GRP: variants seen among roughly 807,000 people sequenced by gnomAD.
GRP encodes the protein gastrin releasing peptide.
Under a neutral mutation model 12.7 loss-of-function variants are expected in GRP, and 11 were observed. The observed-to-expected ratio is 0.87, with a 90% CI of 0.55 to 1.44. The LOEUF is 1.44. Ranked by LOEUF, GRP falls within the 40% of genes most tolerant of loss-of-function variation. The pLI, the probability that GRP is intolerant of heterozygous loss-of-function variation, is 0.00. For synonymous variants in GRP, 84 were observed against 77.7 expected (o/e 1.08, Z -0.43); for missense variants, 212 against 185.4 (o/e 1.14, Z -0.83).
chr18:59,225,239 AG>A (rs1346158447), intron 1 of GRP, among the ~76,000 whole-genome samples: 19 of 152,192 alleles, frequency 1.2e-4, no homozygotes, highest in Non-Finnish European at 1.8e-4. Context: ...CTAACTAGTT[AG>A]GAGAGGTGCT....
At chr18:59,223,893 C>A (rs1158740832) in intron 1 of GRP, among the ~76,000 whole-genome samples, 1 of 152,124 alleles carries the variant, frequency 6.6e-6, no homozygotes, top group Non-Finnish European at 1.5e-5. Flanking sequence ...GGACAGTATC[C>A]CCAGTTAGGA....
At chr18:59,221,076 G>A (rs888681276) in intron 1 of GRP, among the ~76,000 whole-genome samples, 1 of 152,220 alleles carries the variant, frequency 6.6e-6, no homozygotes, top group East Asian at 1.9e-4. Context: ...CAGCCAGCAG[G>A]CTCTGAGCTT....
intron 2 of GRP, among the ~76,000 whole-genome samples, chr18:59,226,754 A>G (rs923391260): frequency 6.6e-5 from 10 of 152,184 alleles, no homozygotes; most frequent in African/African-American, 2.4e-4. Context: ...CTGACAATAA[A>G]TAATATTGCT....
intron 1 of GRP, among the ~76,000 whole-genome samples, chr18:59,223,063 G>C (rs2069860911): frequency 6.6e-6 from 1 of 152,128 alleles, no homozygotes; most frequent in Non-Finnish European, 1.5e-5. Context: ...CTACTTCTTA[G>C]TAGTACTCAA....
intron 2 of GRP, among the ~76,000 whole-genome samples, chr18:59,229,054 A>G (rs528497252): frequency 2.0e-5 from 3 of 152,232 alleles, no homozygotes; most frequent in Non-Finnish European, 4.4e-5. Context: ...ATCAGTACAG[A>G]GAATAGGAAG....
intron 2 of GRP, among the ~76,000 whole-genome samples, chr18:59,227,355 C>A (rs1259527175): frequency 6.6e-6 from 1 of 152,102 alleles, no homozygotes; most frequent in Non-Finnish European, 1.5e-5. Flanking sequence ...AAACCCCAAG[C>A]GATTGTCTGG....
chr18:59,220,074 A>C, upstream of GRP: 53 of 404,674 alleles, frequency 1.3e-4, no homozygotes, highest in East Asian at 1.8e-4. Flanking sequence ...GGGAGACGTC[A>C]GAGCGCTCTG....
chr18:59,225,725 A>G lies in GRP; in HGVS notation c.373A>G (p.Lys125Glu). The G allele has an allele frequency of 6.2e-7, 1 of 1,613,946 alleles. No individual in the cohort carries two copies. The highest frequency in any genetic ancestry group is 1.3e-5 in the African/African-American group (1 of 75,016). ...DSSNFKDVGS[K>E]GKVGRLSAPG... is the part of the protein sequence containing the mutation. ...CAGCAACTTCAAAGATGTAGGTTCAAAAGGCAAAGGTAAAAGAAACATACA... is the reference window on the plus strand; with the variant it reads ...CAGCAACTTCAAAGATGTAGGTTCAGAAGGCAAAGGTAAAAGAAACATACA... Residue 125 changes from lysine to glutamate, a missense_variant, in exon 2 of 3, where the codon AAA becomes GAA. By Grantham distance (56) the Lys-to-Glu change is moderately conservative (BLOSUM62 1). Coordinates refer to ENST00000256857, the MANE Select transcript of GRP (RefSeq NM_002091.5).
chr18:59,227,122 G>A (rs1247351079), intron 2 of GRP, among the ~76,000 whole-genome samples: 1 of 142,152 alleles, frequency 7.0e-6, no homozygotes, highest in African/African-American at 2.6e-5. Context: ...ACAAGGACTG[G>A]CTATGTTGCC....
chr18:59,221,585 G>C (rs982951966), intron 1 of GRP, among the ~76,000 whole-genome samples: 2 of 150,242 alleles, frequency 1.3e-5, no homozygotes, highest in African/African-American at 5.0e-5. Context: ...GTCTCTGTGT[G>C]TGTGTGTCTC....
At chr18:59,221,421 G>A (rs2069831580) in intron 1 of GRP, among the ~76,000 whole-genome samples, 1 of 152,172 alleles carries the variant, frequency 6.6e-6, no homozygotes, top group South Asian at 2.1e-4. Context: ...AGGGCTCTCG[G>A]CGTCGCCGAG....
At chr18:59,227,020 T>TCTTTCTTTCTTTCTTTCCTTCTTCCTTC (rs2069943223) in intron 2 of GRP, among the ~76,000 whole-genome samples, 1 of 141,922 alleles carries the variant, frequency 7.0e-6, no homozygotes, top group Non-Finnish European at 1.5e-5. Flanking sequence ...TTTCTTTCTT[T>TCTTTCTTTCTTTCTTTCCTTCTTCCTTC]CTTTCTTTCT....
Position 59,226,470 on chromosome 18 carries a change from C to G in GRP, c.382+736C>G, listed in dbSNP as rs1533478. On this transcript the variant is annotated intron_variant, in intron 2 of 2. Coordinates refer to ENST00000256857, the MANE Select transcript of GRP (RefSeq NM_002091.5). ...ACAATAACAACGGTGGCTAGTTTTA[C>G]TGAATATTTACGATAATCCAAGTAT... 9.2e-3 allele frequency among the ~76,000 whole-genome samples: 1,399 copies of G among 152,280 alleles called. 17 individuals carry two copies. The highest frequency in any genetic ancestry group is 0.031 in the African/African-American group (1,297 of 41,550).
At chr18:59,221,158 T>C (rs72956149) in intron 1 of GRP, among the ~76,000 whole-genome samples, 6,182 of 152,342 alleles carry the variant, frequency 0.041, 191 homozygotes, top group African/African-American at 0.088. Context: ...TTCTCCGCCC[T>C]TCTTGACCCA....
In GRP at chr18:59,220,410, T is replaced by G; in HGVS notation, c.139+6T>G. 1 of 1,354,770 alleles carries G rather than the reference T, an allele frequency of 7.4e-7. No individual in the cohort carries two copies. The allele number at this position is 1,354,770 out of a possible 1,614,324, so 83.9% of individuals were successfully genotyped here. A position where few individuals can be genotyped will look rare whatever the true frequency, so the allele number is the denominator to read the frequency against. On this transcript the variant is annotated splice_donor_region_variant and intron_variant, in intron 1 of 2. Transcript: ENST00000256857. Reference sequence around the variant, plus strand: ...CGGCAACCACTGGGCGGTGGGTGAGTGTCCTGGCCGCGGGAGCCGCGCGCT... The same window carrying G: ...CGGCAACCACTGGGCGGTGGGTGAGGGTCCTGGCCGCGGGAGCCGCGCGCT...
chr18:59,224,380 G>T (rs1369235684), intron 1 of GRP, among the ~76,000 whole-genome samples: 1 of 152,186 alleles, frequency 6.6e-6, no homozygotes, highest in Non-Finnish European at 1.5e-5. Flanking sequence ...AGAACTTCTG[G>T]GAAGGGGCCT....
intron 2 of GRP, among the ~76,000 whole-genome samples, chr18:59,228,622 C>T (rs76885132): frequency 0.028 from 4,217 of 152,314 alleles, 84 homozygotes; most frequent in Middle Eastern, 0.044. Context: ...AGCTCCAGAA[C>T]TTTCAGAGCA....
rs978336629 is a variant in GRP, at chr18:59,223,690, A to G, written c.140-1802A>G. On this transcript the variant is annotated intron_variant, in intron 1 of 2. Transcript: ENST00000256857. ...CATCACTGGGAGTATCAGGATTCTA[A>G]TCCTGCCTTCCAACCATCATGATTT... is the stretch of plus-strand genomic sequence containing the variant. 3.3e-5 allele frequency among the ~76,000 whole-genome samples: 5 copies of G among 152,222 alleles called. No homozygotes were observed. The East Asian group carries it at 9.6e-4, about 29-fold the overall frequency.
intron 1 of GRP, among the ~76,000 whole-genome samples, chr18:59,224,423 T>A (rs937440648): frequency 1.8e-4 from 27 of 152,210 alleles, no homozygotes; most frequent in African/African-American, 6.3e-4. Context: ...TCTTTCAAAT[T>A]TTATGTTTGC....
Sources: allele counts gnomAD v4.1 joint callset (sites outside exome capture counted in the v4.1 genomes callset), GRCh38; gene constraint gnomAD v4.1.1; transcripts MANE v1.5; gene names NCBI Gene and HGNC (gene_info 2026-07-23, HGNC 2026-07-21).